RPGR: variants seen among roughly 807,000 people sequenced by gnomAD.
The protein encoded by RPGR is retinitis pigmentosa GTPase regulator.
A neutral mutation model predicts 56.3 loss-of-function variants in RPGR; 10 were observed. That is an observed-to-expected ratio of 0.18 (90% CI 0.11 to 0.30). The LOEUF is 0.30. Ranked by LOEUF, RPGR falls within the 10% of genes least tolerant of loss-of-function variation. The pLI is 1.00. For missense variants in RPGR, 538 were observed against 590.9 expected, an observed-to-expected ratio of 0.91 and a Z score of 0.93; for synonymous variants, 197 against 212.9, an observed-to-expected ratio of 0.93 and a Z score of 0.65.
At chrX:38,285,828 C>T (rs772718033) in intron 15 of RPGR, 2 of 1,209,483 alleles carry the variant, frequency 1.7e-6, no homozygotes, top group South Asian at 3.5e-5. Flanking sequence ...CTTCTCTGTT[C>T]CTCCTGTTTT....
intron 7 of RPGR, among the ~76,000 whole-genome samples, chrX:38,306,959 A>C (rs1192266157): frequency 1.8e-5 from 2 of 113,117 alleles, no homozygotes; most frequent in African/African-American, 6.4e-5. Flanking sequence ...ATTTAACAAC[A>C]TAATTTAATG....
intron 11 of RPGR, among the ~76,000 whole-genome samples, chrX:38,293,304 T>C (rs1490992566): frequency 8.9e-6 from 1 of 111,779 alleles, no homozygotes; most frequent in Non-Finnish European, 1.9e-5. Flanking sequence ...GGAATGGGTA[T>C]GGCTGGGTTC....
intron 17 of RPGR, chrX:38,275,016 T>C (rs1259059747): frequency 8.1e-6 from 7 of 861,697 alleles, no homozygotes; most frequent in Non-Finnish European, 1.2e-5. Context: ...AATTACCCAA[T>C]TATGGCATAC....
chrX:38,271,696 T>G (rs1204061545), intron 18 of RPGR, among the ~76,000 whole-genome samples: 1 of 111,877 alleles, frequency 8.9e-6, no homozygotes, highest in African/African-American at 3.2e-5. Flanking sequence ...TCTCTATAGA[T>G]AGACTTACTC....
intron 12 of RPGR, 66 bp from the exon 13 acceptor site, chrX:38,291,090 G>T: frequency 4.1e-6 from 1 of 242,751 alleles, no homozygotes. Context: ...TTTGTATATA[G>T]TACAAATATA....
intron 7 of RPGR, 75 bp downstream of exon 7, chrX:38,310,540 A>G (rs958961133): frequency 4.8e-6 from 5 of 1,040,524 alleles, no homozygotes; most frequent in Admixed American, 4.7e-5. Context: ...AATGAACATA[A>G]AAAAAATGAA....
At chrX:38,278,837 G>A (rs1569231201) in intron 15 of RPGR, among the ~76,000 whole-genome samples, 1 of 112,060 alleles carries the variant, frequency 8.9e-6, no homozygotes, top group Non-Finnish European at 1.9e-5. Context: ...GGCTAACCTA[G>A]CACCTGGGTC....
chrX:38,319,954 GA>G (rs1366691365), intron 4 of RPGR, among the ~76,000 whole-genome samples: 4 of 111,371 alleles, frequency 3.6e-5, no homozygotes, highest in Admixed American at 9.6e-5. Context: ...TTGTTTTTAG[GA>G]AAAGACGAAA....
chrX:38,308,707 TATAAAA>T, intron 7 of RPGR, among the ~76,000 whole-genome samples: 1 of 111,825 alleles, frequency 8.9e-6, no homozygotes, highest in South Asian at 3.7e-4. Flanking sequence ...TTCGAAATTA[TATAAAA>T]TTCACTTTTT....
Position 38,303,006 on chromosome X carries a change from C to T in RPGR, c.934+1629G>A, listed in dbSNP as rs759613030. Among the ~76,000 whole-genome samples, 4 of 110,104 alleles carry T rather than the reference C, an allele frequency of 3.6e-5. No homozygotes were observed. The Admixed American group carries it at 3.9e-4, about 11-fold the overall frequency. ...TGAATATAGTAGAGATGGGGTTTCACCATGTTGACCAAGCTGTAGACTCTT... is the reference window on the plus strand; with the variant it reads ...TGAATATAGTAGAGATGGGGTTTCATCATGTTGACCAAGCTGTAGACTCTT... On this transcript the variant is annotated intron_variant, in intron 8 of 18. Coordinates refer to ENST00000642395, the MANE Select transcript of RPGR (RefSeq NM_000328.3).
In RPGR at chrX:38,287,220, T is replaced by C. The variant is rs765290437; in HGVS notation, c.1779A>G (p.Ala593=). The C allele has an allele frequency of 8.3e-7, 1 of 1,210,774 alleles. No individual in the cohort carries two copies. ...CTATTCCATTTCCTTTTGAATCCTC[T>C]GCTCCTTCCTTCTCCTCTGGGATCT... Residue 593 remains alanine, a synonymous_variant, in exon 15 of 19, where the codon GCA becomes GCG. Coordinates refer to ENST00000642395, the MANE Select transcript of RPGR (RefSeq NM_000328.3).
intron 6 of RPGR, among the ~76,000 whole-genome samples, chrX:38,315,737 G>A (rs920716361): frequency 9.2e-6 from 1 of 108,375 alleles, no homozygotes; most frequent in East Asian, 2.9e-4. Context: ...AATGCTTGAG[G>A]GGATGGATAC....
chrX:38,307,456 AT>A (rs2067625828), intron 7 of RPGR, among the ~76,000 whole-genome samples: 1 of 112,696 alleles, frequency 8.9e-6, no homozygotes, highest in East Asian at 2.7e-4. Flanking sequence ...CCTCTAATAG[AT>A]TTTTAAGATA....
At chrX:38,325,609 G>A (rs1215927747) in intron 1 of RPGR, among the ~76,000 whole-genome samples, 2 of 111,831 alleles carry the variant, frequency 1.8e-5, no homozygotes, top group Admixed American at 1.9e-4. Context: ...ATGCACTATA[G>A]TTAGTTATAG....
At chrX:38,272,965 T>C (rs1362651932) in intron 18 of RPGR, among the ~76,000 whole-genome samples, 1 of 110,568 alleles carries the variant, frequency 9.0e-6, no homozygotes, top group African/African-American at 3.4e-5. Flanking sequence ...CGATTTGTGA[T>C]GTTAAAAAAT....
chrX:38,286,694 C>A, intron 15 of RPGR: 1 of 1,152,307 alleles, frequency 8.7e-7, no homozygotes, highest in Non-Finnish European at 1.2e-6. Context: ...TCCTCCTTTT[C>A]ACGTTCTCCC....
intron 8 of RPGR, among the ~76,000 whole-genome samples, chrX:38,301,669 C>T (rs1383083642): frequency 9.0e-6 from 1 of 111,434 alleles, no homozygotes; most frequent in Non-Finnish European, 1.9e-5. Flanking sequence ...TTGAGATACA[C>T]ATCATATATT....
rs904024794 is a variant in RPGR at position 38,286,819 on chromosome X, A to G, written c.1905+275T>C. 7.0e-6 allele frequency: 8 copies of G among 1,149,966 alleles called. No individual in the cohort carries two copies. The African/African-American group carries it at 1.7e-4, about 24-fold the overall frequency. The allele number at this position is 1,149,966 out of a possible 1,213,427, so 94.8% of individuals were successfully genotyped here. A position where few individuals can be genotyped will look rare whatever the true frequency, so the allele number is the denominator to read the frequency against. On this transcript the variant is annotated intron_variant, in intron 15 of 18. Coordinates refer to ENST00000642395, the MANE Select transcript of RPGR (RefSeq NM_000328.3). ...ATGCTCCTCCTCCCCTCCCTCCTCC[A>G]TCTCTTGGTTTCTTTCCTTCTGATG...
chrX:38,319,027 C>T (rs1023105484), intron 4 of RPGR, 40 bp from the exon 5 acceptor site: 11 of 1,189,643 alleles, frequency 9.2e-6, no homozygotes, highest in Admixed American at 8.7e-5. Flanking sequence ...CTATAGAGTC[C>T]CCCTTTTTAT....
Sources: allele counts gnomAD v4.1 joint callset (sites outside exome capture counted in the v4.1 genomes callset), GRCh38; gene constraint gnomAD v4.1.1; transcripts MANE v1.5; gene names NCBI Gene and HGNC (gene_info 2026-07-23, HGNC 2026-07-21).